The following NTRK2 variants were observed in gnomAD, a reference collection of about 807,000 sequenced individuals.
The protein encoded by NTRK2 is neurotrophic receptor tyrosine kinase 2, also known as BDNF/NT-3 growth factors receptor.
NTRK2 carries 13 observed loss-of-function variants against 94.5 expected under a neutral mutation model. The observed-to-expected ratio is 0.14, with a 90% CI of 0.09 to 0.22. The LOEUF (loss-of-function observed/expected upper bound fraction) is 0.22, where lower values mean the gene tolerates loss of function less well. Ranked by LOEUF, NTRK2 falls within the 10% of genes least tolerant of loss-of-function variation. The pLI is 1.00. For synonymous variants in NTRK2, 372 were observed against 407.4 expected (o/e 0.91, Z 1.05); for missense variants, 639 against 1,071.2 (o/e 0.60, Z 5.63).
intron 14 of NTRK2, among the ~76,000 whole-genome samples, chr9:84,894,104 G>A (rs751746769): frequency 4.7e-5 from 5 of 105,852 alleles, no homozygotes; most frequent in Non-Finnish European, 8.1e-5. Flanking sequence ...CAGGTGCCTG[G>A]CAATTGCATG....
intron 12 of NTRK2, among the ~76,000 whole-genome samples, chr9:84,766,020 C>T (rs1397980427): frequency 6.6e-6 from 1 of 152,072 alleles, no homozygotes; most frequent in East Asian, 1.9e-4. Context: ...ACAGAACAAG[C>T]TTTCCACCTC....
chr9:84,968,991 A>G (rs1388956190), intron 17 of NTRK2, among the ~76,000 whole-genome samples: 1 of 152,188 alleles, frequency 6.6e-6, no homozygotes, highest in Non-Finnish European at 1.5e-5. Context: ...TATATGATAC[A>G]TTGACGTCAC....
intron 14 of NTRK2, among the ~76,000 whole-genome samples, chr9:84,908,322 A>G (rs2077136800): frequency 6.6e-6 from 1 of 152,250 alleles, no homozygotes. Context: ...TTGTCTGGTC[A>G]TTAAAATAGG....
chr9:84,797,898 T>C (rs536265830), intron 12 of NTRK2, among the ~76,000 whole-genome samples: 2 of 124,208 alleles, frequency 1.6e-5, no homozygotes, highest in Admixed American at 2.2e-4. Flanking sequence ...TTATTATTAC[T>C]ATAATAATTA....
chr9:84,748,535 C>A (rs76804563), intron 11 of NTRK2, among the ~76,000 whole-genome samples: 2,839 of 152,262 alleles, frequency 0.019, 84 homozygotes, highest in African/African-American at 0.065. Context: ...CTGGTAAAAG[C>A]AAGGTGTCCT....
At chr9:84,953,389 T>G (rs1823715336) in intron 16 of NTRK2, among the ~76,000 whole-genome samples, 1 of 152,222 alleles carries the variant, frequency 6.6e-6, no homozygotes, top group Non-Finnish European at 1.5e-5. Flanking sequence ...TCAATGCCCT[T>G]AGCAAGGGGC....
At chr9:84,729,465 A>G (rs2062691324) in intron 9 of NTRK2, among the ~76,000 whole-genome samples, 1 of 152,218 alleles carries the variant, frequency 6.6e-6, no homozygotes, top group Non-Finnish European at 1.5e-5. Context: ...GTTTGAGGGA[A>G]TAATAGCTTC....
chr9:84,744,785 G>A (rs2063922327), intron 10 of NTRK2, among the ~76,000 whole-genome samples, 188 bp from the exon 11 acceptor site: 1 of 152,162 alleles, frequency 6.6e-6, no homozygotes, highest in Non-Finnish European at 1.5e-5. Flanking sequence ...TGTGGGCGTT[G>A]TGCAGTCTCA....
At chr9:84,958,441 G>A (rs962907651) in intron 17 of NTRK2, among the ~76,000 whole-genome samples, 1 of 152,156 alleles carries the variant, frequency 6.6e-6, no homozygotes, top group Admixed American at 6.5e-5. Flanking sequence ...GCAATATTCT[G>A]AAGTACTTTC....
chr9:84,872,103 A>G, intron 14 of NTRK2: 1 of 1,325,390 alleles, frequency 7.5e-7, no homozygotes, highest in South Asian at 1.7e-5. Context: ...GCTCAGCAAC[A>G]TCAAGTCTGG....
chr9:84,853,527 T>C (rs1171094670), intron 12 of NTRK2, among the ~76,000 whole-genome samples: 1 of 152,262 alleles, frequency 6.6e-6, no homozygotes, highest in Non-Finnish European at 1.5e-5. Context: ...TTTTATGTTG[T>C]ATGTATAATT....
intron 14 of NTRK2, among the ~76,000 whole-genome samples, chr9:84,893,955 G>T (rs1258846072): frequency 6.6e-6 from 1 of 152,176 alleles, no homozygotes; most frequent in East Asian, 1.9e-4. Flanking sequence ...GGGTAACACA[G>T]ATGGAATGTG....
In NTRK2 at chr9:84,914,989, A is replaced by G. The variant is rs141017520; in HGVS notation, c.1634-19173A>G. 7.9e-4 allele frequency among the ~76,000 whole-genome samples: 121 copies of G among 152,254 alleles called. 1 individual carries two copies. Among genetic ancestry groups the G allele is most frequent in the Middle Eastern group, 6.8e-3 (2 of 294 alleles). On this transcript the variant is annotated intron_variant, in intron 14 of 18. Coordinates refer to ENST00000277120, the MANE Select transcript of NTRK2 (RefSeq NM_006180.6). ...ATGAGGACTGAGGGATGGTTTTGGG[A>G]TGAAACTGTTCTACCTCGGATAATC...
chr9:84,684,810 G>A (rs1213974778), intron 2 of NTRK2, among the ~76,000 whole-genome samples: 3 of 151,998 alleles, frequency 2.0e-5, no homozygotes, highest in Non-Finnish European at 2.9e-5. Flanking sequence ...CGTGAACTTA[G>A]CCCTTTTCTT....
At chr9:84,819,435 C>T (rs1283970784) in intron 12 of NTRK2, among the ~76,000 whole-genome samples, 1 of 152,174 alleles carries the variant, frequency 6.6e-6, no homozygotes, top group Admixed American at 6.5e-5. Flanking sequence ...GAGGGTGCTT[C>T]CAGGCTTTTC....
intron 12 of NTRK2, chr9:84,813,919 G>GGCT (rs1202413455): frequency 9.4e-7 from 1 of 1,065,406 alleles, no homozygotes; most frequent in Non-Finnish European, 1.1e-6. Context: ...GACCCTCTCA[G>GGCT]GCTGCTGAGC....
chr9:84,806,672 A>T (rs1194578718), intron 12 of NTRK2, among the ~76,000 whole-genome samples: 1 of 152,200 alleles, frequency 6.6e-6, no homozygotes, highest in African/African-American at 2.4e-5. Flanking sequence ...AAATAGAAAA[A>T]GCGACAACAG....
chr9:84,848,453 A>G (rs144615717), intron 12 of NTRK2, among the ~76,000 whole-genome samples: 8 of 152,276 alleles, frequency 5.3e-5, no homozygotes, highest in South Asian at 2.1e-4. Flanking sequence ...TATGTACCCA[A>G]TCATGTTGTT....
chr9:84,764,606 T>A (rs574644767), intron 12 of NTRK2, among the ~76,000 whole-genome samples: 2 of 152,314 alleles, frequency 1.3e-5, no homozygotes, highest in East Asian at 3.9e-4. Context: ...AAGAGTATAG[T>A]TGGTGGGAAT....
Sources: allele counts gnomAD v4.1 joint callset (sites outside exome capture counted in the v4.1 genomes callset), GRCh38; gene constraint gnomAD v4.1.1; transcripts MANE v1.5; gene names NCBI Gene and HGNC (gene_info 2026-07-23, HGNC 2026-07-21).